PDZRN3: variants seen among roughly 807,000 people sequenced by gnomAD.
The protein encoded by PDZRN3 is E3 ubiquitin-protein ligase PDZRN3.
PDZRN3 carries 38 observed loss-of-function variants against 85.7 expected under a neutral mutation model. The ratio of observed to expected loss-of-function variants is 0.44; its 90% CI spans 0.34 to 0.58. The LOEUF is 0.58. PDZRN3 is among the 20% of genes least tolerant of loss of function. PDZRN3 has a pLI of 0.01. For missense variants in PDZRN3, 1,629 were observed against 1,506.4 expected (o/e 1.08, Z -1.35); for synonymous variants, 759 against 638.0 (o/e 1.19, Z -2.86).
chr3:73,577,857 C>T (rs1200589624), intron 3 of PDZRN3, among the ~76,000 whole-genome samples: 1 of 152,344 alleles, frequency 6.6e-6, no homozygotes, highest in East Asian at 1.9e-4. Context: ...GCCCTGGAGC[C>T]AGATCTAGCC....
At chr3:73,592,939 T>C (rs953000061) in intron 3 of PDZRN3, among the ~76,000 whole-genome samples, 4 of 152,212 alleles carry the variant, frequency 2.6e-5, no homozygotes, top group East Asian at 3.8e-4. Context: ...GTCTGCCTAC[T>C]GCTTTGAAGC....
At chr3:73,497,150 G>A (rs891036862) in intron 3 of PDZRN3, among the ~76,000 whole-genome samples, 12 of 152,120 alleles carry the variant, frequency 7.9e-5, no homozygotes, top group Non-Finnish European at 1.5e-4. Flanking sequence ...GACAGCATAT[G>A]ATTAATTTAA....
intron 3 of PDZRN3, among the ~76,000 whole-genome samples, chr3:73,532,268 T>C (rs545507555): frequency 1.3e-5 from 2 of 152,280 alleles, no homozygotes; most frequent in African/African-American, 4.8e-5. Context: ...CCCAAAGTGC[T>C]GGGATTACAG....
chr3:73,558,402 CATT>C lies in PDZRN3; in HGVS notation c.918+43949_918+43951del, dbSNP rs370963962. Among the ~76,000 whole-genome samples, 98 of 152,298 alleles carry C rather than the reference CATT, an allele frequency of 6.4e-4. No individual in the cohort carries two copies. The East Asian group carries it at 0.017, about 26-fold the overall frequency. On this transcript the variant is annotated intron_variant, in intron 3 of 9. Transcript: ENST00000263666. The stretch of plus-strand genomic sequence containing the variant: ...GTTTGAAAAACTAAATTTTCTTTAT[CATT>C]AACAACTCTCCACAGAATAAACCAC...
intron 3 of PDZRN3, among the ~76,000 whole-genome samples, chr3:73,563,013 A>ATATATAT (rs1187151191): frequency 9.1e-5 from 4 of 43,762 alleles, no homozygotes; most frequent in African/African-American, 3.0e-4. Flanking sequence ...ATATATATAT[A>ATATATAT]TTTTTTTTTT....
intron 3 of PDZRN3, among the ~76,000 whole-genome samples, chr3:73,483,979 A>C (rs1703616229): frequency 6.6e-6 from 1 of 152,186 alleles, no homozygotes; most frequent in African/African-American, 2.4e-5. Context: ...TTAATGCTTG[A>C]ACGTATTATA....
Position 73,383,956 on chromosome 3 carries a change from G to A in PDZRN3, c.2610C>T (p.His870=). The A allele has an allele frequency of 2.5e-6, 4 of 1,600,538 alleles. No individual in the cohort carries two copies. Among genetic ancestry groups the A allele is most frequent in the Non-Finnish European group, 3.4e-6 (4 of 1,174,288 alleles). Residue 870 remains histidine, a synonymous_variant, in exon 10 of 10, where the codon CAC becomes CAT. Coordinates refer to ENST00000263666, the MANE Select transcript of PDZRN3 (RefSeq NM_015009.3). ...GCTGGGCGTGCGCCGGGATGTGCGC[G>A]TGCTTGTATGGGGAGTGGTGATAGG... is the stretch of plus-strand genomic sequence containing the variant. ...LPSYHHSPYK[H]AHIPAHAQHY...
chr3:73,430,054 G>A (rs373443438), intron 3 of PDZRN3, among the ~76,000 whole-genome samples: 139 of 152,278 alleles, frequency 9.1e-4, no homozygotes, highest in African/African-American at 3.1e-3. Flanking sequence ...TGACAATGCT[G>A]GAAAATGATT....
At chr3:73,621,423 G>A in intron 1 of PDZRN3, among the ~76,000 whole-genome samples, 1 of 152,156 alleles carries the variant, frequency 6.6e-6, no homozygotes, top group Non-Finnish European at 1.5e-5. Flanking sequence ...AAATAAAAAT[G>A]TTGCACATGA....
intron 3 of PDZRN3, among the ~76,000 whole-genome samples, chr3:73,557,873 A>G (rs893272349): frequency 6.6e-6 from 1 of 152,214 alleles, no homozygotes; most frequent in African/African-American, 2.4e-5. Flanking sequence ...TCTTGCAGAC[A>G]AGAGAAGCAA....
intron 3 of PDZRN3, among the ~76,000 whole-genome samples, chr3:73,462,314 C>T (rs751422989): frequency 2.0e-5 from 3 of 151,918 alleles, no homozygotes; most frequent in African/African-American, 4.8e-5. Context: ...GAGGCCGAGG[C>T]GGGCAGATCA....
chr3:73,489,518 A>AT (rs1321083768), intron 3 of PDZRN3, among the ~76,000 whole-genome samples: 1 of 151,488 alleles, frequency 6.6e-6, no homozygotes, highest in Non-Finnish European at 1.5e-5. Flanking sequence ...GTTGCCCTGC[A>AT]TAAGACTAAA....
At chr3:73,391,254 C>T (rs552624178) in intron 5 of PDZRN3, 138 bp from the exon 6 acceptor site, 28 of 593,790 alleles carry the variant, frequency 4.7e-5, no homozygotes, top group Non-Finnish European at 8.4e-5. Context: ...GGTTAACTTA[C>T]TAAACAAAAA....
Position 73,401,017 on chromosome 3 carries a change from GA to G in PDZRN3, c.1167-9del. On this transcript the variant is annotated splice_polypyrimidine_tract_variant and intron_variant, in intron 4 of 9. Coordinates refer to ENST00000263666, the MANE Select transcript of PDZRN3 (RefSeq NM_015009.3). Reference sequence around the variant, plus strand: ...TCATGGGCTGAGGGATGCCTGAAAAGAGATGCAACATCTTTACAGCCCTTCT... The same window carrying G: ...TCATGGGCTGAGGGATGCCTGAAAAGGATGCAACATCTTTACAGCCCTTCT... The G allele has an allele frequency of 6.3e-7, 1 of 1,593,180 alleles. No homozygotes were observed. Among genetic ancestry groups the G allele is most frequent in the African/African-American group, 1.3e-5 (1 of 74,628 alleles).
chr3:73,530,165 G>A (rs928630192), intron 3 of PDZRN3, among the ~76,000 whole-genome samples: 1 of 152,190 alleles, frequency 6.6e-6, no homozygotes, highest in African/African-American at 2.4e-5. Flanking sequence ...CACCACAGTG[G>A]TTCTGTTGAT....
intron 3 of PDZRN3, among the ~76,000 whole-genome samples, chr3:73,517,295 A>T (rs1308236105): frequency 6.6e-6 from 1 of 152,192 alleles, no homozygotes. Flanking sequence ...AGAACAAATC[A>T]CAGTTTCTTT....
In PDZRN3 at chr3:73,484,912, G is replaced by A. The variant is rs559389066; in HGVS notation, c.919-80517C>T. On this transcript the variant is annotated intron_variant, in intron 3 of 9. Transcript: ENST00000263666. ...TTTTTGAGCAGACTGGGAGGCACCC[G>A]AAACCAGGGCGAGCCAACCTTCTCC... Among the ~76,000 whole-genome samples, 9 of 152,298 alleles carry A rather than the reference G, an allele frequency of 5.9e-5. No individual in the cohort carries two copies. The South Asian group carries it at 6.2e-4, about 11-fold the overall frequency.
chr3:73,500,889 C>T (rs76520509), intron 3 of PDZRN3, among the ~76,000 whole-genome samples: 283 of 152,322 alleles, frequency 1.9e-3, no homozygotes, highest in African/African-American at 6.2e-3. Context: ...TATCCACCAA[C>T]TCTTCTGCTC....
chr3:73,388,988 G>A (rs1043143913), intron 7 of PDZRN3, among the ~76,000 whole-genome samples: 1 of 148,466 alleles, frequency 6.7e-6, no homozygotes, highest in African/African-American at 2.5e-5. Flanking sequence ...TGACCCTTCA[G>A]GTGTGAAGGT....
Sources: allele counts gnomAD v4.1 joint callset (sites outside exome capture counted in the v4.1 genomes callset), GRCh38; gene constraint gnomAD v4.1.1; transcripts MANE v1.5; gene names NCBI Gene and HGNC (gene_info 2026-07-23, HGNC 2026-07-21).